RARB: variants seen among roughly 807,000 people sequenced by gnomAD.
RARB encodes the protein HBV-activated protein.
RARB carries 17 observed loss-of-function variants against 51.9 expected under a neutral mutation model. The observed-to-expected ratio is 0.33, with a 90% CI of 0.22 to 0.49. The LOEUF (loss-of-function observed/expected upper bound fraction) is 0.49. RARB is among the 20% of genes least tolerant of loss of function. RARB has a pLI of 0.99. For synonymous variants in RARB, 215 were observed against 195.4 expected (o/e 1.10, Z -0.84); for missense variants, 369 against 550.8 (o/e 0.67, Z 3.30).
intron 3 of RARB, among the ~76,000 whole-genome samples, chr3:25,525,152 A>T (rs1698592560): frequency 6.6e-6 from 1 of 152,234 alleles, no homozygotes; most frequent in African/African-American, 2.4e-5. Flanking sequence ...AGCTCTTCAA[A>T]AGTCCATATG....
At chr3:24,846,487 A>G (rs1049918483) in intron 1 of RARB, among the ~76,000 whole-genome samples, 1 of 152,250 alleles carries the variant, frequency 6.6e-6, no homozygotes, top group African/African-American at 2.4e-5. Context: ...AAAATGTGAC[A>G]TCAGCATTAT....
intron 2 of RARB, among the ~76,000 whole-genome samples, chr3:25,059,272 T>C (rs1698501222): frequency 6.6e-6 from 1 of 151,760 alleles, no homozygotes; most frequent in South Asian, 2.1e-4. Flanking sequence ...AATACTTGGA[T>C]GCCTATCTAT....
chr3:25,512,798 A>C (rs185857279), intron 3 of RARB, among the ~76,000 whole-genome samples: 143 of 152,306 alleles, frequency 9.4e-4, no homozygotes, highest in Non-Finnish European at 1.5e-3. Flanking sequence ...TCAGAGTCAA[A>C]CTGTTTTTTG....
intron 5 of RARB, among the ~76,000 whole-genome samples, chr3:25,290,792 G>A (rs557911595): frequency 1.1e-4 from 16 of 152,142 alleles, no homozygotes; most frequent in South Asian, 6.2e-4. Context: ...TGCACTTAGC[G>A]CTCTGCTCAG....
At chr3:25,045,963 C>T (rs1698205749) in intron 2 of RARB, among the ~76,000 whole-genome samples, 1 of 152,068 alleles carries the variant, frequency 6.6e-6, no homozygotes, top group Admixed American at 6.5e-5. Flanking sequence ...TTCATTAGAC[C>T]TGGCTTTTCA....
chr3:25,093,331 A>C (rs1332961957), intron 3 of RARB, among the ~76,000 whole-genome samples: 2 of 152,174 alleles, frequency 1.3e-5, no homozygotes, highest in Non-Finnish European at 2.9e-5. Context: ...AATGAAACTA[A>C]CTTTGCAAAA....
chr3:25,471,662 G>T (rs1472747762), intron 2 of RARB, among the ~76,000 whole-genome samples: 1 of 151,880 alleles, frequency 6.6e-6, no homozygotes, highest in Non-Finnish European at 1.5e-5. Context: ...GTTTTAAGAG[G>T]CTTATAAATT....
rs114113236 is a variant in RARB, at chr3:25,565,301, T to C, written c.449-4457T>C. 6.2e-3 allele frequency among the ~76,000 whole-genome samples: 949 copies of C among 152,306 alleles called. 11 individuals carry two copies. The highest frequency in any genetic ancestry group is 0.021 in the African/African-American group (890 of 41,558). ...ATGGGTATAATAGTGATATCTACTC[T>C]ATTAGGTTGTTGTAAGGATTGAATG... On this transcript the variant is annotated intron_variant, in intron 3 of 7. Coordinates refer to ENST00000330688, the MANE Select transcript of RARB (RefSeq NM_000965.5).
intron 3 of RARB, among the ~76,000 whole-genome samples, chr3:25,120,681 G>T (rs1183366793): frequency 6.6e-6 from 1 of 152,004 alleles, no homozygotes; most frequent in African/African-American, 2.4e-5. Flanking sequence ...GGATCTTAAT[G>T]ATATCCAGAA....
chr3:25,004,786 G>A (rs1697235455), intron 2 of RARB, among the ~76,000 whole-genome samples: 1 of 152,104 alleles, frequency 6.6e-6, no homozygotes, highest in Non-Finnish European at 1.5e-5. Context: ...TTAAATAGCA[G>A]TTTCATGGCA....
At chr3:25,448,277 T>C (rs913429831) in intron 1 of RARB, among the ~76,000 whole-genome samples, 2 of 152,138 alleles carry the variant, frequency 1.3e-5, no homozygotes, top group Non-Finnish European at 2.9e-5. Flanking sequence ...AATTGGAAGG[T>C]TGGTGAAAAT....
At chr3:25,196,790 T>C (rs371797270) in intron 5 of RARB, among the ~76,000 whole-genome samples, 9 of 152,282 alleles carry the variant, frequency 5.9e-5, no homozygotes, top group Admixed American at 2.6e-4. Flanking sequence ...TATCTCATTG[T>C]GGTTTTGATT....
intron 2 of RARB, among the ~76,000 whole-genome samples, chr3:24,860,849 C>T (rs1438855626): frequency 1.3e-5 from 2 of 152,172 alleles, no homozygotes; most frequent in Non-Finnish European, 2.9e-5. Flanking sequence ...AATTGAACTA[C>T]ATGAACTCAA....
intron 2 of RARB, among the ~76,000 whole-genome samples, chr3:25,471,076 T>C (rs1459755741): frequency 6.6e-6 from 1 of 152,236 alleles, no homozygotes; most frequent in Non-Finnish European, 1.5e-5. Context: ...TTCATACATT[T>C]TATCTAATTA....
At chr3:25,446,165 C>G (rs566886575) in intron 1 of RARB, among the ~76,000 whole-genome samples, 1 of 152,316 alleles carries the variant, frequency 6.6e-6, no homozygotes, top group East Asian at 1.9e-4. Flanking sequence ...GTGTTAGTAT[C>G]TTTAAAATAT....
intron 3 of RARB, among the ~76,000 whole-genome samples, chr3:25,568,111 T>C (rs1293997186): frequency 6.6e-6 from 1 of 152,180 alleles, no homozygotes; most frequent in Admixed American, 6.5e-5. Flanking sequence ...CAGCTGAGGC[T>C]GCACTTCCCA....
chr3:25,233,391 G>A (rs973804098), intron 5 of RARB, among the ~76,000 whole-genome samples: 1 of 152,088 alleles, frequency 6.6e-6, no homozygotes, highest in African/African-American at 2.4e-5. Context: ...CTTACGTCCT[G>A]CAACCTTGCT....
At chr3:25,325,354 C>T (rs1447834885) in intron 5 of RARB, among the ~76,000 whole-genome samples, 3 of 152,050 alleles carry the variant, frequency 2.0e-5, no homozygotes, top group East Asian at 1.9e-4. Context: ...GCTTCTTTAC[C>T]ACAGCCTGTT....
At chr3:25,332,174 A>G (rs973546371) in intron 5 of RARB, among the ~76,000 whole-genome samples, 5 of 152,338 alleles carry the variant, frequency 3.3e-5, no homozygotes, top group South Asian at 2.1e-4. Context: ...AACTCATTTT[A>G]TGAGGCCAGC....
Sources: allele counts gnomAD v4.1 joint callset (sites outside exome capture counted in the v4.1 genomes callset), GRCh38; gene constraint gnomAD v4.1.1; transcripts MANE v1.5; gene names NCBI Gene and HGNC (gene_info 2026-07-23, HGNC 2026-07-21).